Variants in ACCSL observed in about 807,000 individuals in gnomAD.
ACCSL encodes probable inactive 1-aminocyclopropane-1-carboxylate synthase-like protein 2.
A neutral mutation model predicts 61.7 loss-of-function variants in ACCSL; 55 were observed. That is an observed-to-expected ratio of 0.89 (90% CI 0.72 to 1.12). The LOEUF is 1.12. Among genes scored for constraint, ACCSL ranks in the 50% most tolerant of loss-of-function variants. ACCSL has a pLI of 0.00. For synonymous variants in ACCSL, 258 were observed against 264.3 expected (o/e 0.98, Z 0.23); for missense variants, 632 against 698.0 (o/e 0.91, Z 1.07).
At chr11:44,023,377 T>C in the ACCSL span, among the ~76,000 whole-genome samples, 2 of 152,280 alleles carry the variant, frequency 1.3e-5, no homozygotes, top group South Asian at 4.1e-4. Flanking sequence ...CTTCTTGATT[T>C]AATTTGAGTA....
chr11:43,940,069 C>T, the ACCSL span, among the ~76,000 whole-genome samples: 1 of 152,230 alleles, frequency 6.6e-6, no homozygotes, highest in South Asian at 2.1e-4. Context: ...ACATAATATT[C>T]TTCCAAGAGA....
intron 11 of ACCSL, among the ~76,000 whole-genome samples, chr11:44,057,688 T>G (rs1952679875): frequency 6.7e-6 from 1 of 149,020 alleles, no homozygotes; most frequent in Non-Finnish European, 1.5e-5. Context: ...TGCGAGTCCC[T>G]GCTGCTTGCC....
the ACCSL span, among the ~76,000 whole-genome samples, chr11:43,978,612 C>T: frequency 6.6e-6 from 1 of 151,512 alleles, no homozygotes; most frequent in East Asian, 1.9e-4. Flanking sequence ...TTTGTTCCCT[C>T]TTGGGCAGGG....
the ACCSL span, among the ~76,000 whole-genome samples, chr11:43,979,880 A>T: frequency 6.6e-6 from 1 of 151,330 alleles, no homozygotes; most frequent in African/African-American, 2.4e-5. Context: ...AGAAAAAAAA[A>T]TTGGCAACAT....
intron 5 of ACCSL, among the ~76,000 whole-genome samples, chr11:44,052,022 C>G (rs1001199206): frequency 1.3e-5 from 2 of 152,174 alleles, no homozygotes; most frequent in African/African-American, 2.4e-5. Context: ...ATACAGACAG[C>G]CATGGCAATG....
At chr11:43,929,706 C>T in the ACCSL span, among the ~76,000 whole-genome samples, 7 of 152,250 alleles carry the variant, frequency 4.6e-5, no homozygotes, top group East Asian at 1.9e-4. Flanking sequence ...CATGCCCGAC[C>T]GCTAATTTTT....
chr11:44,011,030 G>A, the ACCSL span, among the ~76,000 whole-genome samples: 7 of 152,142 alleles, frequency 4.6e-5, no homozygotes, highest in Non-Finnish European at 8.8e-5. Flanking sequence ...AACCTGGGGC[G>A]CTTCCAATAT....
At chr11:44,031,614 C>A in the ACCSL span, among the ~76,000 whole-genome samples, 1 of 152,046 alleles carries the variant, frequency 6.6e-6, no homozygotes, top group East Asian at 1.9e-4. Flanking sequence ...GACTGTGTGA[C>A]CCAGGGAGAG....
chr11:43,966,899 A>T, the ACCSL span, among the ~76,000 whole-genome samples: 1 of 152,178 alleles, frequency 6.6e-6, no homozygotes, highest in Non-Finnish European at 1.5e-5. Context: ...CTAAAAATTT[A>T]TCGAATTTTA....
At chr11:44,004,814 C>T in the ACCSL span, among the ~76,000 whole-genome samples, 5 of 152,186 alleles carry the variant, frequency 3.3e-5, no homozygotes, top group East Asian at 1.9e-4. Context: ...CCTGGTCCCA[C>T]GGGACCAGAA....
the ACCSL span, among the ~76,000 whole-genome samples, chr11:43,994,371 C>T: frequency 3.9e-5 from 6 of 152,212 alleles, no homozygotes; most frequent in African/African-American, 1.2e-4. Context: ...GGAAATTCTG[C>T]AAATGGAAGC....
the ACCSL span, among the ~76,000 whole-genome samples, chr11:44,014,634 C>T: frequency 6.6e-6 from 1 of 152,140 alleles, no homozygotes; most frequent in African/African-American, 2.4e-5. Flanking sequence ...GAGGGGCCTG[C>T]ACAAGGGTAT....
At chr11:44,055,934 C>A in intron 9 of ACCSL, 106 bp from the exon 10 acceptor site, 1 of 1,304,516 alleles carries the variant, frequency 7.7e-7, no homozygotes, top group Non-Finnish European at 1.1e-6. Flanking sequence ...GCCCTATAGG[C>A]CCTTCTGTCT....
chr11:44,057,665 G>C (rs575405572), intron 11 of ACCSL, among the ~76,000 whole-genome samples: 205 of 152,144 alleles, frequency 1.3e-3, no homozygotes, highest in Middle Eastern at 3.4e-3. Flanking sequence ...GCTCAAATTC[G>C]GGTGGTAGGA....
chr11:44,021,119 T>C, the ACCSL span, among the ~76,000 whole-genome samples: 1 of 152,280 alleles, frequency 6.6e-6, no homozygotes, highest in South Asian at 2.1e-4. Context: ...TTTCATATAA[T>C]GACTTCTTTT....
chr11:44,027,743 A>C, the ACCSL span, among the ~76,000 whole-genome samples: 1 of 152,232 alleles, frequency 6.6e-6, no homozygotes, highest in South Asian at 2.1e-4. Flanking sequence ...ATTTAAGGTA[A>C]TATATAGATC....
At chr11:44,013,238 C>T in the ACCSL span, among the ~76,000 whole-genome samples, 3 of 152,216 alleles carry the variant, frequency 2.0e-5, no homozygotes, top group Non-Finnish European at 4.4e-5. Flanking sequence ...CTTATCTATG[C>T]ATAGGAAACT....
chr11:43,978,210 A>G, the ACCSL span, among the ~76,000 whole-genome samples: 3 of 151,768 alleles, frequency 2.0e-5, no homozygotes, highest in Non-Finnish European at 2.9e-5. Flanking sequence ...GGATTTCGTC[A>G]TGTTGGCCAG....
chr11:44,014,953 G>A, the ACCSL span, among the ~76,000 whole-genome samples: 1 of 152,166 alleles, frequency 6.6e-6, no homozygotes, highest in African/African-American at 2.4e-5. Context: ...GTGGCGGCCT[G>A]ACTGCCTTCC....
Sources: gnomAD v4.1 joint callset for allele counts (sites outside exome capture counted in the v4.1 genomes callset) on GRCh38, gnomAD v4.1.1 for gene constraint, MANE v1.5 for transcripts, NCBI Gene and HGNC (gene_info 2026-07-23, HGNC 2026-07-21) for gene names.